Variants in KRT6A observed in about 807,000 individuals in gnomAD.
KRT6A encodes the protein keratin, type II cytoskeletal 6A.
Under a neutral mutation model 48.6 loss-of-function variants are expected in KRT6A, and 28 were observed. The observed-to-expected ratio is 0.58, with a 90% CI of 0.43 to 0.79. The LOEUF (loss-of-function observed/expected upper bound fraction) is 0.79. Ranked by LOEUF, KRT6A falls within the 30% of genes least tolerant of loss-of-function variation. The probability of loss-of-function intolerance (pLI) is 0.00; values close to 1 mark genes in which losing one functional copy is unlikely to be tolerated. For synonymous variants in KRT6A, 301 were observed against 294.2 expected, an observed-to-expected ratio of 1.02 and a Z score of -0.24; for missense variants, 687 against 724.3, an observed-to-expected ratio of 0.95 and a Z score of 0.59.
rs1396983624 is a variant in KRT6A, at chr12:52,491,175, A to G, written c.756-3T>C. ...GCTTGTTGATTTCATCCTCATATCT[A>G]CAGGAAGAAAGGCATGGGACACATT... On this transcript the variant is annotated splice_polypyrimidine_tract_variant and splice_region_variant and intron_variant, in intron 2 of 8. Transcript: ENST00000330722. 3 of 1,613,830 alleles carry G rather than the reference A, an allele frequency of 1.9e-6. No homozygotes were observed. The highest frequency in any genetic ancestry group is 2.5e-6 in the Non-Finnish European group (3 of 1,179,858).
At chr12:52,488,939 G>A (rs569629319) in intron 6 of KRT6A, among the ~76,000 whole-genome samples, 1 of 152,290 alleles carries the variant, frequency 6.6e-6, no homozygotes, top group East Asian at 1.9e-4. Context: ...CCTGAAGTGA[G>A]GTGATGAGTC....
intron 6 of KRT6A, among the ~76,000 whole-genome samples, chr12:52,489,440 G>T (rs1029112605): frequency 6.6e-6 from 1 of 151,930 alleles, no homozygotes; most frequent in Non-Finnish European, 1.5e-5. Flanking sequence ...CACCATGCCC[G>T]GCTAATTTTT....
At chr12:52,490,117 G>A (rs1938233000) in intron 5 of KRT6A, 49 bp from the exon 6 acceptor site, 1 of 1,612,716 alleles carries the variant, frequency 6.2e-7, no homozygotes, top group East Asian at 2.2e-5. Flanking sequence ...GTTCTTACCT[G>A]GGAGCGATGA....
Position 52,490,857 on chromosome 12 carries a change from C to G in KRT6A, c.912+1G>C, listed in dbSNP as rs1446960409. On this transcript the variant is annotated splice_donor_variant, in intron 4 of 8. Coordinates refer to ENST00000330722, the MANE Select transcript of KRT6A (RefSeq NM_005554.4). LOFTEE classifies it high-confidence loss of function. ...AACAGAAGGATGGTGGAGATGCTTA[C>G]TGCATCATACAAGGCTCTCAGGAAG... 3.1e-6 allele frequency: 5 copies of G among 1,613,930 alleles called. No homozygotes were observed. The African/African-American group carries it at 6.7e-5, about 22-fold the overall frequency.
chr12:52,490,791 A>G (rs944034195), intron 4 of KRT6A, 58 bp from the exon 5 acceptor site: 16 of 1,613,898 alleles, frequency 9.9e-6, no homozygotes, highest in East Asian at 2.2e-5. Flanking sequence ...GAGATACCCA[A>G]CCCTATACAT....
rs267607467 is a variant in KRT6A, at chr12:52,488,449, G to A, written c.1303C>T (p.Gln435Ter). 6.2e-7 allele frequency: 1 copy of A among 1,614,144 alleles called. No individual in the cohort carries two copies. Among genetic ancestry groups the A allele is most frequent in the South Asian group, 1.1e-5 (1 of 91,076 alleles). The change falls in exon 7 of 9, where the codon CAG becomes TAG. Residue 435 changes from glutamine to a stop codon, truncating the protein, a stop_gained. Coordinates refer to ENST00000330722, the MANE Select transcript of KRT6A (RefSeq NM_005554.4). LOFTEE classifies it high-confidence loss of function. Reference protein sequence around the residue: ...NKLEGLEDALQKAKQDLARLL... With the variant: ...NKLEGLEDAL ...CGGGCCAGGTCCTGCTTGGCCTTCT[G>A]CAGGGCATCCTCCAGCCCTTCCAGC...
chr12:52,488,810 A>C (rs1220154444), intron 6 of KRT6A, among the ~76,000 whole-genome samples: 2 of 152,218 alleles, frequency 1.3e-5, no homozygotes, highest in Non-Finnish European at 2.9e-5. Context: ...CAGTGGACAC[A>C]TACACTGGAA....
rs751733053 is a variant in KRT6A at position 52,487,689 on chromosome 12, G to A, written c.*31C>T. ...CTCTGCAGCCAGAGAGGGGCCTGAG[G>A]ACTGTGGGACCGAGAGCTAGCAGAC... On this transcript the variant is annotated 3_prime_UTR_variant, in exon 9 of 9. Coordinates refer to ENST00000330722, the MANE Select transcript of KRT6A (RefSeq NM_005554.4). The A allele has an allele frequency of 6.8e-6, 11 of 1,614,012 alleles. No individual in the cohort carries two copies. The highest frequency in any genetic ancestry group is 7.6e-6 in the Non-Finnish European group (9 of 1,179,926).
At position 52,490,926 on chromosome 12, in the gene KRT6A, C is replaced by A. The variant is rs748856563; in HGVS notation, c.844G>T (p.Val282Phe). The A allele has an allele frequency of 4.3e-6, 7 of 1,613,844 alleles. No individual in the cohort carries two copies. The Admixed American group carries it at 5.0e-5, about 12-fold the overall frequency. Residue 282 changes from valine (V) to phenylalanine (F), a missense_variant, in exon 4 of 9, where the codon GTT (valine) becomes TTT (phenylalanine). Transcript: ENST00000330722. ...KDVDAAYMNKVELQAKADTLT... is the reference protein window; with the variant it reads ...KDVDAAYMNKFELQAKADTLT... Reference sequence around the variant, plus strand: ...GTGTCTGCCTTGGCTTGCAGTTCAACCTTGTTCATGTAGGCAGCATCCACA... The same window carrying A: ...GTGTCTGCCTTGGCTTGCAGTTCAAACTTGTTCATGTAGGCAGCATCCACA...
At chr12:52,490,771 G>C in intron 4 of KRT6A, 38 bp from the exon 5 acceptor site, 2 of 1,614,052 alleles carry the variant, frequency 1.2e-6, no homozygotes, top group East Asian at 2.2e-5. Flanking sequence ...CTTCACTTCC[G>C]ATATTTACAG....
At position 52,491,137 on chromosome 12, in the gene KRT6A, T is replaced by C. The variant is rs1277891627; in HGVS notation, c.791A>G (p.Glu264Gly). 6.2e-7 allele frequency: 1 copy of C among 1,613,994 alleles called. No individual in the cohort carries two copies. The highest frequency in any genetic ancestry group is 1.1e-5 in the South Asian group (1 of 91,064). ...EDEINKRTAA[E>G]NEFVTLKKDV... ...CTTCTTCAGAGTCACAAATTCATTC[T>C]CTGCTGCTGTGCGCTTGTTGATTTC... Residue 264 changes from glutamate (E) to glycine (G), a missense_variant, in exon 3 of 9, where the codon GAG becomes GGG. This residue lies in a region of KRT6A where 566 missense variants were observed against 565.3 expected (regional missense o/e 1.00). Coordinates refer to ENST00000330722, the MANE Select transcript of KRT6A (RefSeq NM_005554.4).
At chr12:52,491,957 C>G (rs1374355517) in intron 1 of KRT6A, among the ~76,000 whole-genome samples, 1 of 152,172 alleles carries the variant, frequency 6.6e-6, no homozygotes, top group Non-Finnish European at 1.5e-5. Flanking sequence ...TGTTCTCACT[C>G]TCTAAGTTAT....
chr12:52,490,044 C>T lies in KRT6A; in HGVS notation c.1102G>A (p.Gly368Ser), dbSNP rs779941716. ...TKYEELQVTA[G>S]RHGDDLRNTK... ...TTGCGCAGGTCGTCCCCATGTCTGC[C>T]TGCTGTGACCTGCAGCTCCTCGTAC... The change falls in exon 6 of 9, where the codon GGC (glycine) becomes AGC (serine). Residue 368 changes from glycine (G) to serine (S), a missense_variant. This residue lies in a region of KRT6A where 566 missense variants were observed against 565.3 expected (regional missense o/e 1.00). Coordinates refer to ENST00000330722, the MANE Select transcript of KRT6A (RefSeq NM_005554.4). 7 of 1,613,954 alleles carry T rather than the reference C, an allele frequency of 4.3e-6. No homozygotes were observed. In the African/African-American group the frequency reaches 8.0e-5, roughly 18 times the overall value.
Position 52,487,602 on chromosome 12 carries a change from C to T in KRT6A, c.*118G>A. On this transcript the variant is annotated 3_prime_UTR_variant, in exon 9 of 9. Transcript: ENST00000330722. ...GAGGGCACTAAGCATCCATACCCAG[C>T]TCTACCTGGGACAGCAGGGGAGACT... The T allele has an allele frequency of 7.7e-7, 1 of 1,293,924 alleles. No homozygotes were observed. The highest frequency in any genetic ancestry group is 1.3e-5 in the South Asian group (1 of 77,902). 80.2% of individuals were successfully genotyped at this position (1,293,924 alleles called of 1,614,324 possible).
chr12:52,489,948 T>C lies in KRT6A; in HGVS notation c.1198A>G (p.Lys400Glu), dbSNP rs199654876. The C allele has an allele frequency of 6.2e-7, 1 of 1,614,068 alleles. No homozygotes were observed. The highest frequency in any genetic ancestry group is 1.7e-5 in the Admixed American group (1 of 60,020). The stretch of plus-strand genomic sequence containing the variant: ...TCCATTGTCCCTCACCATACCTGCT[T>C]CTTGACGTGGTCGATCTCAGATCTC... ...RLRSEIDHVKKQCANLQAAIA... is the reference protein window; with the variant it reads ...RLRSEIDHVKEQCANLQAAIA... The change falls in exon 6 of 9, where the codon AAG (lysine) becomes GAG (glutamate). Residue 400 changes from lysine (K) to glutamate (E), a missense_variant. This residue lies in a region of KRT6A where 566 missense variants were observed against 565.3 expected (regional missense o/e 1.00). Coordinates refer to ENST00000330722, the MANE Select transcript of KRT6A (RefSeq NM_005554.4).
chr12:52,487,528 G>C lies in KRT6A; in HGVS notation c.*192C>G, dbSNP rs76154868. ...ATGATGTAAAATCAGAGGTTGATCTGATGGTGAGCAATGGGTGCTCAGATG... is the reference window on the plus strand; with the variant it reads ...ATGATGTAAAATCAGAGGTTGATCTCATGGTGAGCAATGGGTGCTCAGATG... On this transcript the variant is annotated 3_prime_UTR_variant, in exon 9 of 9. Transcript: ENST00000330722. 0.011 allele frequency: 7,528 copies of C among 655,668 alleles called. 314 individuals carry two copies. Among genetic ancestry groups the C allele is most frequent in the African/African-American group, 0.1 (5,694 of 54,718 alleles). 40.6% of individuals were successfully genotyped at this position (655,668 alleles called of 1,614,324 possible).
chr12:52,492,813 C>T lies in KRT6A; in HGVS notation c.376G>A (p.Gly126Ser). The T allele has an allele frequency of 6.2e-7, 1 of 1,612,934 alleles. No homozygotes were observed. The highest frequency in any genetic ancestry group is 8.5e-7 in the Non-Finnish European group (1 of 1,179,638). ...CCTCCAGGGGGGCACACAGGGAAGC[C>T]AGGGCCCCCAAAGCCACCAGCAAGG... ...AGLAGGFGGP[G>S]FPVCPPGGIQ... Residue 126 changes from glycine (G) to serine (S), a missense_variant, in exon 1 of 9, where the codon GGC becomes AGC. Physicochemically the swap from Gly to Ser is moderately conservative, Grantham distance 56. Around this residue, in one of 3 missense-constraint regions of KRT6A, gnomAD observed 566 missense variants for 565.3 expected, o/e 1.00. Transcript: ENST00000330722.
chr12:52,489,622 G>A (rs1015242540), intron 6 of KRT6A, among the ~76,000 whole-genome samples: 1 of 152,130 alleles, frequency 6.6e-6, no homozygotes, highest in Non-Finnish European at 1.5e-5. Flanking sequence ...GCTATTGTTT[G>A]TATTAGTGTA....
At chr12:52,488,917 A>G (rs1382101040) in intron 6 of KRT6A, among the ~76,000 whole-genome samples, 1 of 152,204 alleles carries the variant, frequency 6.6e-6, no homozygotes, top group Non-Finnish European at 1.5e-5. Flanking sequence ...ACATACACAA[A>G]ATTAAGACCA....
Sources: gnomAD v4.1 joint callset for allele counts (sites outside exome capture counted in the v4.1 genomes callset) on GRCh38, gnomAD v4.1.1 for gene constraint, gnomAD v4.1.1 regional missense constraint, MANE v1.5 for transcripts, NCBI Gene and HGNC (gene_info 2026-07-23, HGNC 2026-07-21) for gene names.